SIK3: variants seen among roughly 807,000 people sequenced by gnomAD.
SIK3 encodes SIK family kinase 3.
In SIK3, 28 loss-of-function variants were observed where a neutral mutation model predicts 144.2. That is an observed-to-expected ratio of 0.19 (90% confidence interval 0.14 to 0.27). SIK3 has a LOEUF of 0.27. Ranked by LOEUF, SIK3 falls within the 10% of genes least tolerant of loss-of-function variation. The pLI is 1.00. For missense variants in SIK3, 1,319 were observed against 1,776.0 expected, an observed-to-expected ratio of 0.74 and a Z score of 4.62; for synonymous variants, 686 against 676.3, an observed-to-expected ratio of 1.01 and a Z score of -0.22.
chr11:116,951,821 C>A (rs1565493199), intron 3 of SIK3, among the ~76,000 whole-genome samples: 2 of 152,020 alleles, frequency 1.3e-5, no homozygotes, highest in East Asian at 3.8e-4. Context: ...ACAGTCCCAG[C>A]TACTCAGGAA....
At chr11:116,872,222 A>G (rs1944006976) in intron 13 of SIK3, among the ~76,000 whole-genome samples, 1 of 152,248 alleles carries the variant, frequency 6.6e-6, no homozygotes, top group Non-Finnish European at 1.5e-5. Flanking sequence ...GGGACGTCCA[A>G]AAAGATAAAA....
chr11:117,013,966 T>C lies in SIK3; in HGVS notation c.274-56902A>G, dbSNP rs1283704741. 5.8e-5 allele frequency among the ~76,000 whole-genome samples: 4 copies of C among 68,818 alleles called. 1 individual carries two copies. The highest frequency in any genetic ancestry group is 4.8e-4 in the South Asian group (1 of 2,082). 45.1% of individuals were successfully genotyped at this position (68,818 alleles called of 152,430 possible). The stretch of plus-strand genomic sequence containing the variant: ...TGTGTGTGTGTTTTATTTCTTTTTT[T>C]CTTTTCTTTTTTTTTTTTTTTTTTT... On this transcript the variant is annotated intron_variant, in intron 1 of 24. Coordinates refer to ENST00000445177, the MANE Select transcript of SIK3 (RefSeq NM_001366686.3).
intron 1 of SIK3, among the ~76,000 whole-genome samples, chr11:117,092,276 C>G (rs537102438): frequency 6.6e-6 from 1 of 152,174 alleles, no homozygotes; most frequent in Admixed American, 6.6e-5. Flanking sequence ...GACCTTGTGT[C>G]TAATCTTTGA....
chr11:117,062,952 T>C (rs1284143212), intron 1 of SIK3, among the ~76,000 whole-genome samples: 3 of 152,250 alleles, frequency 2.0e-5, no homozygotes, highest in Non-Finnish European at 4.4e-5. Flanking sequence ...TAAGTTTGTT[T>C]TTAATTGCCT....
At chr11:117,097,422 C>T (rs1426233989) in intron 1 of SIK3, among the ~76,000 whole-genome samples, 1 of 152,058 alleles carries the variant, frequency 6.6e-6, no homozygotes, top group African/African-American at 2.4e-5. Flanking sequence ...CATCATAAAC[C>T]TGGGACAGCC....
At chr11:117,035,397 C>A (rs767599581) in intron 1 of SIK3, among the ~76,000 whole-genome samples, 24 of 152,104 alleles carry the variant, frequency 1.6e-4, no homozygotes, top group Non-Finnish European at 3.2e-4. Context: ...TTCATTAATT[C>A]TATTAAATCT....
At chr11:117,055,412 A>T (rs1248632477) in intron 1 of SIK3, among the ~76,000 whole-genome samples, 1 of 152,248 alleles carries the variant, frequency 6.6e-6, no homozygotes, top group Non-Finnish European at 1.5e-5. Context: ...CCCCACTCTT[A>T]CTTACAGAGA....
intron 4 of SIK3, among the ~76,000 whole-genome samples, chr11:116,911,170 G>A (rs1946323801): frequency 6.6e-6 from 1 of 152,090 alleles, no homozygotes; most frequent in Admixed American, 6.5e-5. Context: ...ACAATATGGG[G>A]TAGATCAGGT....
chr11:117,011,131 A>G (rs889229071), intron 1 of SIK3, among the ~76,000 whole-genome samples: 1 of 152,196 alleles, frequency 6.6e-6, no homozygotes, highest in African/African-American at 2.4e-5. Flanking sequence ...AACAAAAACG[A>G]AAATAATCAC....
intron 1 of SIK3, among the ~76,000 whole-genome samples, chr11:117,047,217 G>T (rs1051697376): frequency 6.6e-6 from 1 of 152,174 alleles, no homozygotes; most frequent in African/African-American, 2.4e-5. Flanking sequence ...AACATAAAAA[G>T]TAATTTCCTT....
At chr11:117,023,619 A>ATATATATATATATATATATATATAT (rs374740569) in intron 1 of SIK3, among the ~76,000 whole-genome samples, 9 of 99,794 alleles carry the variant, frequency 9.0e-5, no homozygotes, top group Non-Finnish European at 1.6e-4. Flanking sequence ...CAAAAAAAAA[A>ATATATATATATATATATATATATAT]AAATATATAT....
intron 1 of SIK3, among the ~76,000 whole-genome samples, chr11:117,068,605 G>A (rs1201417946): frequency 6.6e-6 from 1 of 152,078 alleles, no homozygotes; most frequent in African/African-American, 2.4e-5. Context: ...AAAATTAGCT[G>A]GACAGGTGGC....
chr11:116,932,070 C>T (rs1342233317), intron 3 of SIK3, among the ~76,000 whole-genome samples: 1 of 152,164 alleles, frequency 6.6e-6, no homozygotes, highest in Non-Finnish European at 1.5e-5. Flanking sequence ...CTCTCACACC[C>T]TGCATCCTAT....
chr11:116,866,334 G>C (rs1403279326), intron 15 of SIK3, among the ~76,000 whole-genome samples: 1 of 151,550 alleles, frequency 6.6e-6, no homozygotes, highest in Non-Finnish European at 1.5e-5. Flanking sequence ...GAGAAAAGAA[G>C]GAATAAAGGG....
chr11:117,043,946 G>C (rs77953286), intron 1 of SIK3, among the ~76,000 whole-genome samples: 3,677 of 152,306 alleles, frequency 0.024, 84 homozygotes, highest in South Asian at 0.11. Flanking sequence ...CCCCAGTATA[G>C]TTCTGACTCA....
chr11:116,937,874 C>T (rs185934474), intron 3 of SIK3, among the ~76,000 whole-genome samples: 63 of 152,158 alleles, frequency 4.1e-4, no homozygotes, highest in African/African-American at 1.3e-3. Flanking sequence ...TCCCTGAGGC[C>T]CAAATTCTGG....
intron 15 of SIK3, among the ~76,000 whole-genome samples, chr11:116,865,817 G>A (rs1943602383): frequency 6.6e-6 from 1 of 152,100 alleles, no homozygotes; most frequent in African/African-American, 2.4e-5. Context: ...TTATAGCCTT[G>A]GAAAGTTTCT....
In SIK3 at chr11:116,858,181, T is replaced by C. The variant is rs781024898; in HGVS notation, c.3284A>G (p.Tyr1095Cys). ...QSMTERQALS[Y>C]QNADSYHHHT... ...ATGGTGATAAGAGTCAGCATTTTGA[T>C]AAGATAAAGCCTGGCGCTCTGTCAT... is the stretch of plus-strand genomic sequence containing the variant. The change falls in exon 21 of 25, where the codon TAT becomes TGT. Residue 1095 changes from tyrosine to cysteine, a missense_variant. By Grantham distance (194) the Tyr-to-Cys change is radical. Coordinates refer to ENST00000445177, the MANE Select transcript of SIK3 (RefSeq NM_001366686.3). The surrounding 1 kb of genome is among the most constrained non-coding windows in gnomAD (Gnocchi z 5.4). 1.2e-6 allele frequency: 2 copies of C among 1,614,130 alleles called. No homozygotes were observed. Among genetic ancestry groups the C allele is most frequent in the East Asian group, 4.5e-5 (2 of 44,874 alleles).
At chr11:117,024,979 C>T (rs1210174365) in intron 1 of SIK3, among the ~76,000 whole-genome samples, 1 of 151,890 alleles carries the variant, frequency 6.6e-6, no homozygotes, top group East Asian at 1.9e-4. Context: ...CTTTAAAAAA[C>T]AAAAACAAAA....
Sources: allele counts gnomAD v4.1 joint callset (sites outside exome capture counted in the v4.1 genomes callset), GRCh38; gene constraint gnomAD v4.1.1; non-coding constraint Gnocchi (gnomAD v3.1); transcripts MANE v1.5; gene names NCBI Gene and HGNC (gene_info 2026-07-23, HGNC 2026-07-21).